Variants in CHCHD6 observed in about 807,000 individuals in gnomAD.
CHCHD6 encodes the protein coiled-coil-helix-coiled-coil-helix domain containing 6, also known as MICOS complex subunit MIC25.
A neutral mutation model predicts 32.3 loss-of-function variants in CHCHD6; 28 were observed. The observed-to-expected ratio is 0.87, with a 90% CI of 0.64 to 1.19. The LOEUF is 1.19. CHCHD6 is among the 50% of genes most tolerant of loss of function. The pLI, the probability that CHCHD6 is intolerant of heterozygous loss-of-function variation, is 0.00. For synonymous variants in CHCHD6, 122 were observed against 117.5 expected (o/e 1.04, Z -0.25); for missense variants, 333 against 307.0 (o/e 1.08, Z -0.63).
At chr3:126,778,807 G>T (rs1406166917) in intron 4 of CHCHD6, among the ~76,000 whole-genome samples, 22 of 152,116 alleles carry the variant, frequency 1.4e-4, no homozygotes, top group Non-Finnish European at 5.9e-5. Context: ...TTGGAGTGCA[G>T]TGGTGTAATC....
At chr3:126,810,386 A>T (rs1008622196) in intron 4 of CHCHD6, among the ~76,000 whole-genome samples, 2 of 152,222 alleles carry the variant, frequency 1.3e-5, no homozygotes, top group African/African-American at 4.8e-5. Flanking sequence ...AATTAGAAAC[A>T]TGGAGGCAAA....
intron 5 of CHCHD6, among the ~76,000 whole-genome samples, chr3:126,858,878 G>C (rs1306484818): frequency 4.6e-5 from 7 of 152,226 alleles, no homozygotes; most frequent in Admixed American, 4.6e-4. Context: ...AATGAGGGCT[G>C]GGTGTGGAGC....
At chr3:126,824,569 A>AAAAAAAAAAAAAAAAAG in intron 4 of CHCHD6, among the ~76,000 whole-genome samples, 1 of 147,218 alleles carries the variant, frequency 6.8e-6, no homozygotes, top group African/African-American at 2.5e-5. Flanking sequence ...TCAAAAAAAA[A>AAAAAAAAAAAAAAAAAG]AAAAAAAAAA....
intron 6 of CHCHD6, among the ~76,000 whole-genome samples, chr3:126,951,203 TG>T (rs2078711082): frequency 6.6e-6 from 1 of 152,204 alleles, no homozygotes; most frequent in South Asian, 2.1e-4. Context: ...CCATGTAAGA[TG>T]TGCCTGCTTC....
At chr3:126,910,098 G>A (rs918492403) in intron 5 of CHCHD6, among the ~76,000 whole-genome samples, 2 of 152,020 alleles carry the variant, frequency 1.3e-5, no homozygotes, top group African/African-American at 4.8e-5. Flanking sequence ...CCAACATGGC[G>A]AAACCCCCTC....
chr3:126,844,401 A>G (rs1381505726), intron 4 of CHCHD6, among the ~76,000 whole-genome samples: 1 of 152,168 alleles, frequency 6.6e-6, no homozygotes, highest in East Asian at 1.9e-4. Context: ...TATTATAAGT[A>G]CCTATACATT....
At chr3:126,936,473 G>A (rs1310682961) in intron 6 of CHCHD6, among the ~76,000 whole-genome samples, 2 of 152,170 alleles carry the variant, frequency 1.3e-5, no homozygotes, top group East Asian at 3.8e-4. Flanking sequence ...ACCAAAAAAA[G>A]TAAAATCTCT....
At chr3:126,722,599 T>A (rs920872032) in intron 1 of CHCHD6, among the ~76,000 whole-genome samples, 5 of 152,234 alleles carry the variant, frequency 3.3e-5, no homozygotes, top group African/African-American at 1.2e-4. Flanking sequence ...TTGTATATCT[T>A]CTTTGGAAAA....
chr3:126,822,497 G>A (rs544398749), intron 4 of CHCHD6, among the ~76,000 whole-genome samples: 1 of 152,202 alleles, frequency 6.6e-6, no homozygotes, highest in African/African-American at 2.4e-5. Flanking sequence ...GAAATCAAGA[G>A]ATGTGAGTCC....
chr3:126,838,439 A>G (rs957170765), intron 4 of CHCHD6, among the ~76,000 whole-genome samples: 38 of 152,302 alleles, frequency 2.5e-4, no homozygotes, highest in East Asian at 1.5e-3. Flanking sequence ...AGGGTCAACA[A>G]TGCCTGTTCA....
intron 5 of CHCHD6, among the ~76,000 whole-genome samples, chr3:126,909,925 G>C (rs368842950): frequency 1.3e-5 from 2 of 152,266 alleles, no homozygotes; most frequent in South Asian, 4.2e-4. Flanking sequence ...GAGAACTGAC[G>C]GCCTAGCCGG....
intron 4 of CHCHD6, among the ~76,000 whole-genome samples, chr3:126,747,476 A>G (rs1415409317): frequency 1.3e-5 from 2 of 152,214 alleles, no homozygotes; most frequent in Non-Finnish European, 1.5e-5. Context: ...AACAGAAATT[A>G]TGTACCTAAA....
intron 5 of CHCHD6, among the ~76,000 whole-genome samples, chr3:126,880,339 G>A (rs910891350): frequency 4.6e-5 from 7 of 152,100 alleles, no homozygotes; most frequent in African/African-American, 1.2e-4. Flanking sequence ...CAGCTGCCAG[G>A]CCCACACATG....
intron 4 of CHCHD6, among the ~76,000 whole-genome samples, chr3:126,764,233 G>T (rs1257223133): frequency 7.5e-6 from 1 of 133,808 alleles, no homozygotes; most frequent in East Asian, 2.1e-4. Flanking sequence ...ATAAATATAT[G>T]AAATAATACA....
At chr3:126,745,460 G>A (rs898275059) in intron 4 of CHCHD6, among the ~76,000 whole-genome samples, 1 of 152,190 alleles carries the variant, frequency 6.6e-6, no homozygotes, top group Non-Finnish European at 1.5e-5. Context: ...CAGATGGAAG[G>A]TGGTCAATAC....
intron 4 of CHCHD6, among the ~76,000 whole-genome samples, chr3:126,808,601 C>T (rs753215704): frequency 6.6e-6 from 1 of 152,184 alleles, no homozygotes; most frequent in African/African-American, 2.4e-5. Flanking sequence ...TCCTGAAGAA[C>T]TGAGGGTCCT....
chr3:126,781,015 G>A (rs985927527), intron 4 of CHCHD6, among the ~76,000 whole-genome samples: 1 of 152,110 alleles, frequency 6.6e-6, no homozygotes, highest in Non-Finnish European at 1.5e-5. Context: ...TCATTGGCTG[G>A]AGCTGAGACC....
At chr3:126,867,138 A>C (rs1559892508) in intron 5 of CHCHD6, among the ~76,000 whole-genome samples, 1 of 152,226 alleles carries the variant, frequency 6.6e-6, no homozygotes, top group African/African-American at 2.4e-5. Flanking sequence ...GGTCCAGAGA[A>C]GTAAAGGTCA....
chr3:126,715,255 T>A (rs1217019277), intron 1 of CHCHD6, among the ~76,000 whole-genome samples: 1 of 152,116 alleles, frequency 6.6e-6, no homozygotes, highest in South Asian at 2.1e-4. Flanking sequence ...AGGGTTTGGA[T>A]TTGAGTCATT....
Sources: gnomAD v4.1 joint callset for allele counts (sites outside exome capture counted in the v4.1 genomes callset) on GRCh38, gnomAD v4.1.1 for gene constraint, MANE v1.5 for transcripts, NCBI Gene and HGNC (gene_info 2026-07-23, HGNC 2026-07-21) for gene names.